SHISA9: variants seen among roughly 807,000 people sequenced by gnomAD.
The protein encoded by SHISA9 is shisa family member 9, also known as protein shisa-9.
SHISA9 carries 13 observed loss-of-function variants against 38.0 expected under a neutral mutation model. The ratio of observed to expected loss-of-function variants is 0.34; its 90% CI spans 0.22 to 0.54. The LOEUF is 0.54. SHISA9 is among the 20% of genes least tolerant of loss of function. The pLI is 0.91. For synonymous variants in SHISA9, 275 were observed against 242.0 expected, an observed-to-expected ratio of 1.14 and a Z score of -1.27; for missense variants, 538 against 575.8, an observed-to-expected ratio of 0.93 and a Z score of 0.67.
chr16:13,261,715 A>G, the SHISA9 span, among the ~76,000 whole-genome samples: 2 of 152,212 alleles, frequency 1.3e-5, no homozygotes, highest in African/African-American at 4.8e-5. Flanking sequence ...TTGTCTACCA[A>G]ATGCCATGTG....
intron 2 of SHISA9, among the ~76,000 whole-genome samples, chr16:12,921,475 A>G (rs1055085984): frequency 1.3e-5 from 2 of 152,132 alleles, no homozygotes; most frequent in African/African-American, 4.8e-5. Flanking sequence ...ATTTTAACAT[A>G]TTTGGGAGAT....
chr16:13,216,949 A>G (rs1208749426), intron 4 of SHISA9, among the ~76,000 whole-genome samples: 1 of 152,070 alleles, frequency 6.6e-6, no homozygotes, highest in African/African-American at 2.4e-5. Context: ...ACACCATTTT[A>G]AAATCCACCC....
At chr16:13,261,305 AG>A in the SHISA9 span, among the ~76,000 whole-genome samples, 3 of 152,286 alleles carry the variant, frequency 2.0e-5, no homozygotes, top group Admixed American at 2.0e-4. Flanking sequence ...GTAGGTTTAT[AG>A]ATGATAATGA....
At chr16:13,170,921 T>C (rs761505655) in intron 2 of SHISA9, among the ~76,000 whole-genome samples, 1 of 152,126 alleles carries the variant, frequency 6.6e-6, no homozygotes, top group African/African-American at 2.4e-5. Flanking sequence ...CCTCCCAAAG[T>C]GCTGGGATTA....
At chr16:13,105,769 G>C (rs1457672017) in intron 2 of SHISA9, among the ~76,000 whole-genome samples, 1 of 152,194 alleles carries the variant, frequency 6.6e-6, no homozygotes, top group East Asian at 1.9e-4. Flanking sequence ...CATCCTTATA[G>C]GTTCCTCAGC....
intron 2 of SHISA9, among the ~76,000 whole-genome samples, chr16:13,015,963 TC>T (rs1370833853): frequency 2.1e-4 from 6 of 28,056 alleles, no homozygotes; most frequent in Admixed American, 5.6e-4. Flanking sequence ...TCCCTTCCCT[TC>T]CCTTCCCTTC....
At chr16:13,107,301 G>C (rs1487331395) in intron 2 of SHISA9, among the ~76,000 whole-genome samples, 1 of 151,924 alleles carries the variant, frequency 6.6e-6, no homozygotes, top group Non-Finnish European at 1.5e-5. Flanking sequence ...CAGGTGTGGT[G>C]GTGGGCACCT....
chr16:13,133,137 G>A (rs2050319831), intron 2 of SHISA9, among the ~76,000 whole-genome samples: 1 of 152,162 alleles, frequency 6.6e-6, no homozygotes, highest in South Asian at 2.1e-4. Context: ...GACAAATAAG[G>A]TGAGCAGTCC....
the SHISA9 span, among the ~76,000 whole-genome samples, chr16:13,334,635 G>A: frequency 2.0e-5 from 3 of 151,852 alleles, no homozygotes; most frequent in African/African-American, 4.8e-5. Flanking sequence ...ATAGCCAGGC[G>A]TGGTGGCGGG....
intron 2 of SHISA9, among the ~76,000 whole-genome samples, chr16:13,157,977 C>T (rs2050562041): frequency 6.6e-6 from 1 of 152,154 alleles, no homozygotes; most frequent in Non-Finnish European, 1.5e-5. Context: ...ACATGGGCTC[C>T]TCAGTTAGTC....
intron 2 of SHISA9, among the ~76,000 whole-genome samples, chr16:12,928,328 G>A (rs953831667): frequency 3.5e-5 from 5 of 141,256 alleles, no homozygotes; most frequent in African/African-American, 1.3e-4. Context: ...GTGTGTGTGT[G>A]TGTATGTGTG....
chr16:13,459,898 A>C, the SHISA9 span, among the ~76,000 whole-genome samples: 4 of 152,120 alleles, frequency 2.6e-5, no homozygotes, highest in Non-Finnish European at 5.9e-5. Flanking sequence ...GTCAGCATCA[A>C]GCTTTATATG....
intron 2 of SHISA9, among the ~76,000 whole-genome samples, chr16:13,102,299 G>T (rs562248471): frequency 6.6e-6 from 1 of 152,302 alleles, no homozygotes; most frequent in Non-Finnish European, 1.5e-5. Flanking sequence ...TCAACATCCA[G>T]GTCACAGGAT....
At chr16:13,437,911 G>C in the SHISA9 span, among the ~76,000 whole-genome samples, 1 of 146,522 alleles carries the variant, frequency 6.8e-6, no homozygotes, top group East Asian at 2.0e-4. Context: ...TTTTGCCCAG[G>C]CTGGAGTGCA....
intron 2 of SHISA9, among the ~76,000 whole-genome samples, chr16:13,031,350 T>G (rs1230067609): frequency 6.6e-6 from 1 of 152,198 alleles, no homozygotes; most frequent in Admixed American, 6.6e-5. Flanking sequence ...AATAGTGTAT[T>G]CAGCCATTGC....
intron 2 of SHISA9, among the ~76,000 whole-genome samples, chr16:12,938,740 T>C (rs1300209064): frequency 6.6e-6 from 1 of 151,878 alleles, no homozygotes; most frequent in East Asian, 1.9e-4. Context: ...TGACCTCAGG[T>C]GATCTACCCA....
chr16:13,318,574 C>G, the SHISA9 span, among the ~76,000 whole-genome samples: 1 of 152,122 alleles, frequency 6.6e-6, no homozygotes, highest in Admixed American at 6.5e-5. Context: ...GATCTGCCCA[C>G]CTCTGTCTCC....
chr16:13,091,419 A>G (rs555111829), intron 2 of SHISA9, among the ~76,000 whole-genome samples: 1 of 152,296 alleles, frequency 6.6e-6, no homozygotes, highest in Non-Finnish European at 1.5e-5. Flanking sequence ...CATTCTCCCC[A>G]TCACTTTCAG....
chr16:13,123,167 A>G (rs539584495), intron 2 of SHISA9, among the ~76,000 whole-genome samples: 14 of 151,674 alleles, frequency 9.2e-5, no homozygotes, highest in African/African-American at 3.4e-4. Context: ...TTTGGGTCCA[A>G]ATCTTCCTGA....
Sources: allele counts gnomAD v4.1 joint callset (sites outside exome capture counted in the v4.1 genomes callset), GRCh38; gene constraint gnomAD v4.1.1; transcripts MANE v1.5; gene names NCBI Gene and HGNC (gene_info 2026-07-23, HGNC 2026-07-21).